The following SP3 variants were observed in gnomAD, a reference collection of about 807,000 sequenced individuals.
SP3 encodes Sp3 transcription factor, also known as transcription factor Sp3.
Under a neutral mutation model 70.3 loss-of-function variants are expected in SP3, and 10 were observed. The ratio of observed to expected loss-of-function variants is 0.14; its 90% CI spans 0.09 to 0.24. SP3 has a LOEUF of 0.24. Among genes scored for constraint, SP3 ranks in the 10% least tolerant of loss-of-function variants. SP3 has a pLI of 1.00. For missense variants in SP3, 825 were observed against 914.6 expected (o/e 0.90, Z 1.26); for synonymous variants, 402 against 333.5 (o/e 1.21, Z -2.24).
At chr2:173,915,465 A>G (rs1345678670) in intron 5 of SP3, 1 of 152,192 alleles carries the variant, frequency 6.6e-6, no homozygotes, top group Non-Finnish European at 1.5e-5. Context: ...CCACACCACT[A>G]ATGCCTATAA....
At chr2:173,965,140 G>A (rs1691253334) in intron 1 of SP3, 25 bp downstream of exon 1, 1 of 1,547,678 alleles carries the variant, frequency 6.5e-7, no homozygotes, top group East Asian at 2.5e-5. Flanking sequence ...GCAGCAGCAA[G>A]GGTTGCTCTC....
Position 173,955,829 on chromosome 2 carries a change from A to G in SP3, c.683T>C (p.Ile228Thr). Residue 228 changes from isoleucine (I) to threonine (T), a missense_variant, in exon 4 of 7, where the codon ATA (isoleucine) becomes ACA (threonine). Ile to Thr is a moderately conservative substitution (Grantham distance 89). Coordinates refer to ENST00000310015, the MANE Select transcript of SP3 (RefSeq NM_003111.5). ...GTPSANIQNL[I>T]PQTGQVQVQG... is the part of the protein sequence containing the mutation. The stretch of plus-strand genomic sequence containing the variant: ...AACCTGGACTTGACCAGTCTGTGGT[A>G]TGAGATTCTGGATGTTAGCAGAAGG... 6.2e-7 allele frequency: 1 copy of G among 1,614,244 alleles called. No individual in the cohort carries two copies. Among genetic ancestry groups the G allele is most frequent in the Non-Finnish European group, 8.5e-7 (1 of 1,180,042 alleles).
intron 4 of SP3, among the ~76,000 whole-genome samples, chr2:173,940,040 ATT>A (rs947960044): frequency 6.6e-6 from 1 of 151,020 alleles, no homozygotes; most frequent in Non-Finnish European, 1.5e-5. Flanking sequence ...TGACCAGCTA[ATT>A]TTTTTTTGTT....
chr2:173,964,722 T>A, intron 1 of SP3, 169 bp from the exon 2 acceptor site: 2 of 280,796 alleles, frequency 7.1e-6, no homozygotes, highest in East Asian at 4.8e-5. Context: ...CCTCCCCTCC[T>A]GCTGCTGCCC....
At position 173,918,634 on chromosome 2, in the gene SP3, C is replaced by T. The variant is rs768153701; in HGVS notation, c.1791G>A (p.Arg597=). The T allele has an allele frequency of 1.2e-6, 2 of 1,613,528 alleles. No individual in the cohort carries two copies. Among genetic ancestry groups the T allele is most frequent in the Admixed American group, 3.3e-5 (2 of 59,976 alleles). The change falls in exon 5 of 7, where the codon AGG becomes AGA. Residue 597 remains arginine (R), a synonymous_variant. Coordinates refer to ENST00000310015, the MANE Select transcript of SP3 (RefSeq NM_003111.5). ...QQHQEGKRLR[R]VACTCPNCKE... is the part of the protein sequence containing the mutation. ...TACAGTTGGGACAGGTGCAAGCTAC[C>T]CTCCGAAGTCTTTTTCCTTCTTGAT...
rs1048321772 is a variant in SP3 at position 173,903,188 on chromosome 2, T to A, written c.*6753A>T. Among the ~76,000 whole-genome samples the A allele has an allele frequency of 7.2e-5, 11 of 152,266 alleles. No individual in the cohort carries two copies. The highest frequency in any genetic ancestry group is 2.2e-4 in the African/African-American group (9 of 41,470). ...GTAGGAAGACTACTGATTCTTCCAG[T>A]GCTTACATTTACTAATACATAATAT... On this transcript the variant is annotated 3_prime_UTR_variant, in exon 7 of 7. Coordinates refer to ENST00000310015, the MANE Select transcript of SP3 (RefSeq NM_003111.5).
At chr2:173,916,881 T>C (rs1198746608) in intron 5 of SP3, 1 of 152,048 alleles carries the variant, frequency 6.6e-6, no homozygotes, top group African/African-American at 2.4e-5. Context: ...TACAATAGAA[T>C]ACAACAGAAT....
chr2:173,937,854 A>C (rs1354044037), intron 4 of SP3, among the ~76,000 whole-genome samples: 3 of 152,210 alleles, frequency 2.0e-5, no homozygotes, highest in Non-Finnish European at 4.4e-5. Flanking sequence ...TCCGAGATAT[A>C]ACATTTCATC....
Position 173,913,277 on chromosome 2 carries a change from C to A in SP3, c.1833-11G>T. On this transcript the variant is annotated splice_polypyrimidine_tract_variant and intron_variant, in intron 5 of 6. Transcript: ENST00000310015. ...CCAAGATTGGTACCTCTAAAAAACA[C>A]ACATAGAATAATATATACTTATATG... The A allele has an allele frequency of 6.4e-7, 1 of 1,569,808 alleles. No homozygotes were observed.
chr2:173,951,416 T>G (rs55998217), intron 4 of SP3, among the ~76,000 whole-genome samples: 29,827 of 152,106 alleles, frequency 0.2, 3,120 homozygotes, highest in Middle Eastern at 0.27. Context: ...TAAAAATAAA[T>G]CCATTACACG....
chr2:173,955,414 T>C lies in SP3; in HGVS notation c.1098A>G (p.Ser366=). The C allele has an allele frequency of 6.2e-7, 1 of 1,614,166 alleles. No individual in the cohort carries two copies. Residue 366 remains serine, a synonymous_variant, in exon 4 of 7, where the codon TCA becomes TCG. Transcript: ENST00000310015. ...ACTGGATATAATTTCCCTGAAGATCTGAAGAATGAACCTGCCCACTAGATG... is the reference window on the plus strand; with the variant it reads ...ACTGGATATAATTTCCCTGAAGATCCGAAGAATGAACCTGCCCACTAGATG... ...LTTSSGQVHS[S]DLQGNYIQSP... is the part of the protein sequence containing the mutation.
chr2:173,954,639 AT>A (rs1445349448), intron 4 of SP3, among the ~76,000 whole-genome samples: 1 of 152,238 alleles, frequency 6.6e-6, no homozygotes, highest in Non-Finnish European at 1.5e-5. Context: ...AGAAAAAACT[AT>A]AAATGTTAAT....
rs763095895 is a variant in SP3 at position 173,964,473 on chromosome 2, G to GGCCGCC, written c.82_87dup (p.Gly28_Gly29dup). On this transcript the variant is annotated inframe_insertion, in exon 2 of 7. Transcript: ENST00000310015. ...TGCTGCTGCTGCAGATACTCGCCGT[G>GGCCGCC]GCCGCCGCCGCCGCCACCGCCGCCG... The GGCCGCC allele has an allele frequency of 6.1e-5, 43 of 707,914 alleles. 1 individual carries two copies. Among genetic ancestry groups the GGCCGCC allele is most frequent in the Non-Finnish European group, 8.9e-5 (34 of 383,456 alleles). The allele number at this position is 707,914 out of a possible 1,614,324, so 43.9% of individuals were successfully genotyped here.
chr2:173,946,809 C>T (rs141576674), intron 4 of SP3, among the ~76,000 whole-genome samples: 84 of 150,958 alleles, frequency 5.6e-4, no homozygotes, highest in African/African-American at 2.0e-3. Flanking sequence ...GTAGCCTCAA[C>T]CTGCCAGGCT....
intron 4 of SP3, among the ~76,000 whole-genome samples, chr2:173,939,290 A>G (rs1308561776): frequency 6.6e-6 from 1 of 152,204 alleles, no homozygotes; most frequent in Non-Finnish European, 1.5e-5. Context: ...AATGACTGAT[A>G]CCAAAATGAT....
intron 4 of SP3, among the ~76,000 whole-genome samples, chr2:173,926,463 A>G (rs1689911205): frequency 6.6e-6 from 1 of 152,100 alleles, no homozygotes; most frequent in African/African-American, 2.4e-5. Flanking sequence ...GGTCCCCAGA[A>G]AAGCCCTGTC....
At chr2:173,920,897 T>C (rs1246143367) in intron 4 of SP3, among the ~76,000 whole-genome samples, 1 of 152,100 alleles carries the variant, frequency 6.6e-6, no homozygotes, top group Non-Finnish European at 1.5e-5. Flanking sequence ...AGTTTAAAAA[T>C]AATTATTTAA....
In SP3 at chr2:173,960,833, G is replaced by A. The variant is rs190053987; in HGVS notation, c.279+2928C>T. Among the ~76,000 whole-genome samples the A allele has an allele frequency of 1.6e-3, 245 of 151,842 alleles. 1 individual carries two copies. Among genetic ancestry groups the A allele is most frequent in the African/African-American group, 5.4e-3 (224 of 41,442 alleles). On this transcript the variant is annotated intron_variant, in intron 3 of 6. Coordinates refer to ENST00000310015, the MANE Select transcript of SP3 (RefSeq NM_003111.5). ...AAAATACAAAAAAAAAAAATTAGCC[G>A]GGCATGGTGGCACACGCCTGTCGTC...
chr2:173,919,825 T>A (rs2105460755), intron 4 of SP3, among the ~76,000 whole-genome samples: 1 of 151,440 alleles, frequency 6.6e-6, no homozygotes, highest in East Asian at 1.9e-4. Flanking sequence ...AACCTATATA[T>A]ACCCTATAGC....
Sources: allele counts gnomAD v4.1 joint callset (sites outside exome capture counted in the v4.1 genomes callset), GRCh38; gene constraint gnomAD v4.1.1; transcripts MANE v1.5; gene names NCBI Gene and HGNC (gene_info 2026-07-23, HGNC 2026-07-21).